The following RB1 variants were observed in gnomAD, a reference collection of about 807,000 sequenced individuals.
RB1 encodes retinoblastoma-associated protein.
Under a neutral mutation model 135.4 loss-of-function variants are expected in RB1, and 18 were observed. The observed-to-expected ratio is 0.13, with a 90% confidence interval of 0.09 to 0.20. The LOEUF is 0.20. Among genes scored for constraint, RB1 ranks in the 10% least tolerant of loss-of-function variants. RB1 has a pLI of 1.00. For missense variants in RB1, 868 were observed against 1,110.0 expected, an observed-to-expected ratio of 0.78 and a Z score of 3.10; for synonymous variants, 365 against 373.2, an observed-to-expected ratio of 0.98 and a Z score of 0.25.
Position 48,303,771 on chromosome 13 carries a change from C to T in RB1, c.-142C>T. On this transcript the variant is annotated 5_prime_UTR_variant, in exon 1 of 27. Transcript: ENST00000267163. ...CGCTCAGTTGCCGGGCGGGGGAGGG[C>T]GCGTCCGGTTTTTCTCAGGGGACGT... The T allele has an allele frequency of 7.8e-7, 1 of 1,284,828 alleles. No homozygotes were observed. The highest frequency in any genetic ancestry group is 1.0e-6 in the Non-Finnish European group (1 of 965,460). The allele number at this position is 1,284,828 out of a possible 1,614,324, so 79.6% of individuals were successfully genotyped here.
chr13:48,340,384 A>G (rs531675428), intron 2 of RB1, among the ~76,000 whole-genome samples: 24 of 152,300 alleles, frequency 1.6e-4, no homozygotes, highest in African/African-American at 5.1e-4. Flanking sequence ...TTTTGCTCAT[A>G]GGAAAGTTCT....
intron 17 of RB1, chr13:48,429,121 A>G (rs1038363825): frequency 1.3e-5 from 2 of 152,164 alleles, no homozygotes; most frequent in Non-Finnish European, 2.9e-5. Context: ...TATTATTGTA[A>G]TGTTATAAAA....
chr13:48,354,318 A>G (rs116815250), intron 6 of RB1, among the ~76,000 whole-genome samples: 4,609 of 152,206 alleles, frequency 0.03, 246 homozygotes, highest in African/African-American at 0.11. Context: ...GAAATTTAAA[A>G]AGTAGTCCTG....
intron 2 of RB1, chr13:48,320,190 A>G: frequency 1.1e-6 from 1 of 934,710 alleles, no homozygotes; most frequent in South Asian, 1.5e-5. Flanking sequence ...CAACAAGACC[A>G]CAGGCAGGCA....
At chr13:48,442,655 C>T (rs1184045595) in intron 17 of RB1, among the ~76,000 whole-genome samples, 1 of 152,128 alleles carries the variant, frequency 6.6e-6, no homozygotes, top group African/African-American at 2.4e-5. Context: ...GTTAACACCT[C>T]ATTCAGATAA....
chr13:48,365,068 AT>A (rs560611082), intron 9 of RB1, 97 bp downstream of exon 9: 13,173 of 1,203,300 alleles, frequency 0.011, no homozygotes, highest in South Asian at 0.02. Context: ...TGTGTATCAC[AT>A]TTTTTTTTTG....
intron 2 of RB1, chr13:48,317,589 C>G: frequency 2.3e-6 from 1 of 431,912 alleles, no homozygotes; most frequent in East Asian, 6.4e-5. Flanking sequence ...CATGCTCGGC[C>G]CCTCGTGAGC....
chr13:48,345,401 C>T (rs1390349406), intron 4 of RB1, among the ~76,000 whole-genome samples: 4 of 152,040 alleles, frequency 2.6e-5, no homozygotes, highest in African/African-American at 9.7e-5. Flanking sequence ...GAAAATTAAC[C>T]GTTTTATTAT....
At chr13:48,322,773 A>G (rs1446382182) in intron 2 of RB1, among the ~76,000 whole-genome samples, 1 of 152,178 alleles carries the variant, frequency 6.6e-6, no homozygotes. Flanking sequence ...TTCTATTGAT[A>G]TAATAATGTA....
chr13:48,471,822 T>G (rs893355881), intron 23 of RB1, among the ~76,000 whole-genome samples: 4 of 152,212 alleles, frequency 2.6e-5, no homozygotes, highest in Non-Finnish European at 4.4e-5. Flanking sequence ...TTTTTCCTTT[T>G]GCTTGTTATA....
chr13:48,379,988 A>T, intron 14 of RB1, 65 bp from the exon 15 acceptor site: 4 of 990,956 alleles, frequency 4.0e-6, no homozygotes, highest in Non-Finnish European at 5.5e-6. Flanking sequence ...AAAAAATTCA[A>T]TGCTGACACA....
Position 48,319,395 on chromosome 13 carries a change from T to G in RB1, c.264+11989T>G. The G allele has an allele frequency of 1.2e-5, 5 of 418,374 alleles. No homozygotes were observed. The highest frequency in any genetic ancestry group is 2.2e-5 in the Non-Finnish European group (5 of 223,826). The allele number at this position is 418,374 out of a possible 1,614,324, so 25.9% of individuals were successfully genotyped here. ...CTGGATGGCCTCCTCAGTGCCGTCGTTGCTGCTGGAGTCTGACGCCTCGGG... is the reference window on the plus strand; with the variant it reads ...CTGGATGGCCTCCTCAGTGCCGTCGGTGCTGCTGGAGTCTGACGCCTCGGG... On this transcript the variant is annotated intron_variant, in intron 2 of 26. Transcript: ENST00000267163. This position sits in a 1 kb window ranked among gnomAD's most constrained non-coding sequence, Gnocchi z 5.0.
chr13:48,480,273 T>C lies in RB1; in HGVS notation c.*202T>C. ...GTTAGTCATTGTTATTTATACAAGA[T>C]TGAAAATCTTGTGTAAATCCTGCCA... On this transcript the variant is annotated 3_prime_UTR_variant, in exon 27 of 27. Transcript: ENST00000267163. 3.4e-6 allele frequency: 2 copies of C among 583,050 alleles called. No homozygotes were observed. Among genetic ancestry groups the C allele is most frequent in the South Asian group, 4.0e-5 (2 of 49,430 alleles). 36.1% of individuals were successfully genotyped at this position (583,050 alleles called of 1,614,324 possible). A position where few individuals can be genotyped will look rare whatever the true frequency, so the allele number is the denominator to read the frequency against.
intron 2 of RB1, among the ~76,000 whole-genome samples, chr13:48,321,035 A>G (rs74075912): frequency 0.011 from 1,683 of 152,150 alleles, 26 homozygotes; most frequent in African/African-American, 0.037. Context: ...AGTGTCCCCA[A>G]ACGCCCCAAG....
intron 14 of RB1, 30 bp from the exon 15 acceptor site, chr13:48,380,022 TC>T: frequency 3.3e-6 from 4 of 1,208,320 alleles, no homozygotes; most frequent in East Asian, 2.8e-5. Flanking sequence ...TTAAACAACT[TC>T]TTTTTTTTTT....
intron 17 of RB1, among the ~76,000 whole-genome samples, chr13:48,419,350 CACA>C (rs1319975169): frequency 6.6e-6 from 1 of 152,158 alleles, no homozygotes; most frequent in African/African-American, 2.4e-5. Flanking sequence ...AGAACCAAGA[CACA>C]ACATACCCAA....
At chr13:48,335,057 C>G (rs1952370877) in intron 2 of RB1, among the ~76,000 whole-genome samples, 1 of 152,042 alleles carries the variant, frequency 6.6e-6, no homozygotes, top group South Asian at 2.1e-4. Context: ...CGTAATCCTA[C>G]CATGTAGAGA....
chr13:48,304,387 A>C (rs1227760950), intron 1 of RB1, among the ~76,000 whole-genome samples: 6 of 152,098 alleles, frequency 3.9e-5, no homozygotes, highest in Non-Finnish European at 5.9e-5. Flanking sequence ...AAATAAAAAT[A>C]CAAAAATGGT....
At chr13:48,367,407 A>C in intron 9 of RB1, 87 bp from the exon 10 acceptor site, 1 of 1,428,278 alleles carries the variant, frequency 7.0e-7, no homozygotes, top group Non-Finnish European at 9.5e-7. Flanking sequence ...TATTATACAA[A>C]AATTCTTTAA....
Sources: allele counts gnomAD v4.1 joint callset (sites outside exome capture counted in the v4.1 genomes callset), GRCh38; gene constraint gnomAD v4.1.1; non-coding constraint Gnocchi (gnomAD v3.1); transcripts MANE v1.5; gene names NCBI Gene and HGNC (gene_info 2026-07-23, HGNC 2026-07-21).